The following EDRF1 variants were observed in gnomAD, a reference collection of about 807,000 sequenced individuals.
EDRF1 encodes erythroid differentiation-related factor 1.
A neutral mutation model predicts 148.7 loss-of-function variants in EDRF1; 69 were observed. The ratio of observed to expected loss-of-function variants is 0.46; its 90% CI spans 0.38 to 0.57. The LOEUF (loss-of-function observed/expected upper bound fraction) is 0.57. Among genes scored for constraint, EDRF1 ranks in the 20% least tolerant of loss-of-function variants. The pLI is 0.00. For missense variants in EDRF1, 1,118 were observed against 1,478.7 expected, an observed-to-expected ratio of 0.76 and a Z score of 4.00; for synonymous variants, 515 against 532.8, an observed-to-expected ratio of 0.97 and a Z score of 0.46.
intron 21 of EDRF1, chr10:125,748,501 C>T: frequency 5.3e-6 from 1 of 187,270 alleles, no homozygotes. Context: ...AGGATAAAGG[C>T]ACTTCCTTCC....
chr10:125,737,350 T>C (rs1189407898), intron 13 of EDRF1, among the ~76,000 whole-genome samples: 2 of 152,210 alleles, frequency 1.3e-5, no homozygotes, highest in Non-Finnish European at 2.9e-5. Flanking sequence ...ATTGAATGAC[T>C]TTGTGGTATG....
intron 14 of EDRF1, 122 bp downstream of exon 14, chr10:125,738,111 T>G (rs1848829291): frequency 7.4e-7 from 1 of 1,351,162 alleles, no homozygotes; most frequent in Non-Finnish European, 1.1e-6. Context: ...TTTTTTTCCT[T>G]AAGCATAAAG....
At chr10:125,730,190 G>A (rs1848429489) in intron 8 of EDRF1, 98 bp from the exon 9 acceptor site, 1 of 927,908 alleles carries the variant, frequency 1.1e-6, no homozygotes, top group Non-Finnish European at 1.7e-6. Context: ...TATCTAGAGA[G>A]GACAGCTTAA....
Position 125,725,445 on chromosome 10 carries a change from A to G in EDRF1, c.635+3A>G. ...CTTTCCAAGTTTTTATATTACAGGT[A>G]CTTGGCTACTTATTTATCTCTAAAG... On this transcript the variant is annotated splice_donor_region_variant and intron_variant, in intron 5 of 24. Coordinates refer to ENST00000356792, the MANE Select transcript of EDRF1 (RefSeq NM_001202438.2). 6.2e-7 allele frequency: 1 copy of G among 1,613,966 alleles called. No homozygotes were observed. The highest frequency in any genetic ancestry group is 8.5e-7 in the Non-Finnish European group (1 of 1,179,906).
At chr10:125,744,283 A>C (rs1849214476) in intron 18 of EDRF1, among the ~76,000 whole-genome samples, 1 of 151,548 alleles carries the variant, frequency 6.6e-6, no homozygotes, top group African/African-American at 2.4e-5. Flanking sequence ...CAGTGGCATA[A>C]TCATAGCTTG....
chr10:125,730,506 G>A lies in EDRF1; in HGVS notation c.1128+107G>A, dbSNP rs1453015813. ...AGTACTAAGGTGCATTTTTGCCAGG[G>A]AAGATAGCTGTGAATAAACTGAATT... On this transcript the variant is annotated intron_variant, in intron 9 of 24. Coordinates refer to ENST00000356792, the MANE Select transcript of EDRF1 (RefSeq NM_001202438.2). 1.2e-5 allele frequency: 10 copies of A among 844,990 alleles called. No individual in the cohort carries two copies. The East Asian group carries it at 1.3e-4, about 11-fold the overall frequency. 52.3% of individuals were successfully genotyped at this position (844,990 alleles called of 1,614,324 possible).
In EDRF1 at chr10:125,737,975, A is replaced by G; in HGVS notation, c.1816A>G (p.Ser606Gly). 6.2e-7 allele frequency: 1 copy of G among 1,613,950 alleles called. No individual in the cohort carries two copies. Among genetic ancestry groups the G allele is most frequent in the Non-Finnish European group, 8.5e-7 (1 of 1,179,916 alleles). The change falls in exon 14 of 25, where the codon AGC (serine) becomes GGC (glycine). Residue 606 changes from serine (S) to glycine (G), a missense_variant. Physicochemically the swap from Ser to Gly is moderately conservative, Grantham distance 56. Coordinates refer to ENST00000356792, the MANE Select transcript of EDRF1 (RefSeq NM_001202438.2). The part of the protein sequence containing the change: ...DTEERCRLVL[S>G]YVLEGLKSVD... ...AGAAGAGCGCTGTAGACTTGTGCTT[A>G]GCTATGTTCTAGAGGTAAGTTTAAG...
chr10:125,721,152 A>C (rs1440407280), intron 1 of EDRF1, 52 bp from the exon 2 acceptor site: 2 of 1,575,320 alleles, frequency 1.3e-6, no homozygotes, highest in African/African-American at 2.7e-5. Context: ...TAAAGGTGAG[A>C]TTTTTCGTTC....
chr10:125,720,020 T>C, intron 1 of EDRF1, 105 bp downstream of exon 1: 1 of 1,022,906 alleles, frequency 9.8e-7, no homozygotes, highest in Non-Finnish European at 1.5e-6. Flanking sequence ...GGCTTCTCCA[T>C]GTTTCCCTGA....
chr10:125,722,937 C>A, intron 2 of EDRF1, 131 bp from the exon 3 acceptor site: 2 of 835,096 alleles, frequency 2.4e-6, no homozygotes, highest in East Asian at 2.4e-5. Flanking sequence ...GATACACATC[C>A]TGGTTTCAGA....
At chr10:125,743,349 C>T (rs1849131938) in intron 18 of EDRF1, 73 bp downstream of exon 18, 2 of 1,275,526 alleles carry the variant, frequency 1.6e-6, no homozygotes, top group South Asian at 2.5e-5. Flanking sequence ...ATGAGTCAAG[C>T]AAAGAACTGT....
Position 125,719,741 on chromosome 10 carries a change from T to G in EDRF1, c.-67T>G. 1 of 1,334,316 alleles carries G rather than the reference T, an allele frequency of 7.5e-7. No individual in the cohort carries two copies. Among genetic ancestry groups the G allele is most frequent in the Non-Finnish European group, 1.0e-6 (1 of 959,790 alleles). 82.7% of individuals were successfully genotyped at this position (1,334,316 alleles called of 1,614,324 possible). A position where few individuals can be genotyped will look rare whatever the true frequency, so the allele number is the denominator to read the frequency against. On this transcript the variant is annotated 5_prime_UTR_variant, in exon 1 of 25. Coordinates refer to ENST00000356792, the MANE Select transcript of EDRF1 (RefSeq NM_001202438.2). ...GGAGCGTCTCTGGCGCTTACCCTGCTTTGGGCCTGCGTTGCTGCTGCTGCT... is the reference window on the plus strand; with the variant it reads ...GGAGCGTCTCTGGCGCTTACCCTGCGTTGGGCCTGCGTTGCTGCTGCTGCT...
intron 24 of EDRF1, among the ~76,000 whole-genome samples, chr10:125,759,806 G>T (rs1045566810): frequency 1.3e-5 from 2 of 152,036 alleles, no homozygotes; most frequent in Non-Finnish European, 2.9e-5. Flanking sequence ...CGCCTCCCAG[G>T]TTCACGCCAT....
intron 12 of EDRF1, among the ~76,000 whole-genome samples, chr10:125,735,255 CTT>C (rs1197567419): frequency 6.6e-6 from 1 of 151,472 alleles, no homozygotes; most frequent in African/African-American, 2.4e-5. Context: ...TATAGAGAAA[CTT>C]GAATTAATTT....
At chr10:125,728,048 A>G (rs1368581982) in intron 6 of EDRF1, among the ~76,000 whole-genome samples, 1 of 151,920 alleles carries the variant, frequency 6.6e-6, no homozygotes, top group Non-Finnish European at 1.5e-5. Context: ...AAAAAGAAAA[A>G]AAAATTAGCC....
At chr10:125,730,215 G>T in intron 8 of EDRF1, 73 bp from the exon 9 acceptor site, 1 of 1,206,458 alleles carries the variant, frequency 8.3e-7, no homozygotes, top group Non-Finnish European at 1.2e-6. Context: ...CTTAAATGGT[G>T]AAATAACTTT....
intron 17 of EDRF1, chr10:125,741,789 G>T (rs1239414362): frequency 1.1e-5 from 2 of 179,172 alleles, no homozygotes; most frequent in Non-Finnish European, 2.3e-5. Context: ...CACCTCCTGG[G>T]TTCAAGTGAT....
chr10:125,725,293 A>G, intron 4 of EDRF1, 25 bp from the exon 5 acceptor site: 1 of 1,613,676 alleles, frequency 6.2e-7, no homozygotes, highest in Non-Finnish European at 8.5e-7. Flanking sequence ...TGTTGTATTA[A>G]TAATATGTAT....
At chr10:125,736,181 G>A (rs1848720152) in intron 13 of EDRF1, among the ~76,000 whole-genome samples, 1 of 152,166 alleles carries the variant, frequency 6.6e-6, no homozygotes, top group African/African-American at 2.4e-5. Context: ...TGTAGTCATA[G>A]TCATGTCTCA....
Sources: gnomAD v4.1 joint callset for allele counts (sites outside exome capture counted in the v4.1 genomes callset) on GRCh38, gnomAD v4.1.1 for gene constraint, MANE v1.5 for transcripts, NCBI Gene and HGNC (gene_info 2026-07-23, HGNC 2026-07-21) for gene names.